The following DHRSX variants were observed in gnomAD, a reference collection of about 807,000 sequenced individuals.
DHRSX encodes polyprenol dehydrogenase.
In DHRSX, 31 loss-of-function variants were observed where a neutral mutation model predicts 34.0. The observed-to-expected ratio is 0.91, with a 90% CI of 0.69 to 1.23. The LOEUF (loss-of-function observed/expected upper bound fraction) is 1.23. Among genes scored for constraint, DHRSX ranks in the 50% most tolerant of loss-of-function variants. The pLI is 0.00. For missense variants in DHRSX, 414 were observed against 428.1 expected (o/e 0.97, Z 0.29); for synonymous variants, 201 against 183.8 (o/e 1.09, Z -0.76).
intron 1 of DHRSX, among the ~76,000 whole-genome samples, chrX:2,483,722 G>A (rs1261507156): frequency 6.8e-6 from 1 of 147,384 alleles, no homozygotes; most frequent in Non-Finnish European, 1.5e-5. Flanking sequence ...GATCTGAGCT[G>A]TTTCTCAAAC....
chrX:2,243,785 CCTGTTTTTTTTTTTTTTTTT>C (rs1398745186), intron 5 of DHRSX, among the ~76,000 whole-genome samples: 18,808 of 71,386 alleles, frequency 0.26, 1,767 homozygotes, highest in Admixed American at 0.38. Context: ...CACTATGCTC[CCTGTTTTTTTTTTTTTTTTT>C]TTTTTTTTTT....
chrX:2,354,560 C>G (rs773392042), intron 3 of DHRSX, among the ~76,000 whole-genome samples: 1 of 152,194 alleles, frequency 6.6e-6, no homozygotes, highest in Non-Finnish European at 1.5e-5. Context: ...CTCCCGGGTT[C>G]ACACCATTCT....
intron 4 of DHRSX, among the ~76,000 whole-genome samples, chrX:2,286,961 C>T (rs1426188074): frequency 2.0e-5 from 3 of 152,300 alleles, no homozygotes; most frequent in Admixed American, 6.5e-5. Flanking sequence ...TCCAGGGAGG[C>T]GTGTGACTTG....
chrX:2,438,178 G>GAAA (rs57891933), intron 1 of DHRSX, among the ~76,000 whole-genome samples: 1 of 127,042 alleles, frequency 7.9e-6, no homozygotes, highest in Non-Finnish European at 1.6e-5. Context: ...CTCCATCTCA[G>GAAA]AAAAAAAAAA....
chrX:2,304,304 GATGGATGA>G (rs1370834403), intron 3 of DHRSX, among the ~76,000 whole-genome samples: 13 of 149,936 alleles, frequency 8.7e-5, no homozygotes, highest in African/African-American at 2.5e-4. Context: ...TGGATGGATG[GATGGATGA>G]ATGGATGGAT....
intron 3 of DHRSX, among the ~76,000 whole-genome samples, chrX:2,397,691 G>A (rs747213769): frequency 8.6e-5 from 13 of 151,812 alleles, no homozygotes; most frequent in Middle Eastern, 3.4e-3. Flanking sequence ...TAAATAGCGC[G>A]TAGAATTTGT....
Position 2,461,998 on chromosome X carries a change from G to A in DHRSX, c.110-36694C>T, listed in dbSNP as rs192418786. Reference sequence around the variant, plus strand: ...AGCCACCGCGGCTGGCCATGCAGCTGTTTTAATAAGCAATTCTGAGAAGAC... The same window carrying A: ...AGCCACCGCGGCTGGCCATGCAGCTATTTTAATAAGCAATTCTGAGAAGAC... On this transcript the variant is annotated intron_variant, in intron 1 of 6. Coordinates refer to ENST00000334651, the MANE Select transcript of DHRSX (RefSeq NM_145177.3). Among the ~76,000 whole-genome samples, 627 of 152,212 alleles carry A rather than the reference G, an allele frequency of 4.1e-3. 7 individuals carry two copies. The highest frequency in any genetic ancestry group is 0.014 in the African/African-American group (585 of 41,532).
chrX:2,259,134 G>A (rs1362015045), intron 5 of DHRSX, among the ~76,000 whole-genome samples: 25 of 151,866 alleles, frequency 1.6e-4, no homozygotes, highest in African/African-American at 1.2e-4. Context: ...TTATCTGGGC[G>A]TGATGGCGCA....
chrX:2,404,959 T>G (rs1047867295), intron 3 of DHRSX, among the ~76,000 whole-genome samples: 51 of 152,240 alleles, frequency 3.3e-4, no homozygotes, highest in Non-Finnish European at 6.5e-4. Flanking sequence ...CTGCTGCCAC[T>G]CTGTGACATT....
intron 5 of DHRSX, among the ~76,000 whole-genome samples, chrX:2,258,602 T>A (rs1307793387): frequency 6.6e-6 from 1 of 152,098 alleles, no homozygotes; most frequent in Non-Finnish European, 1.5e-5. Flanking sequence ...CACACCTTGA[T>A]CTGGGACCTC....
chrX:2,319,826 C>G (rs2042286553), intron 3 of DHRSX, among the ~76,000 whole-genome samples: 1 of 151,890 alleles, frequency 6.6e-6, no homozygotes, highest in African/African-American at 2.4e-5. Flanking sequence ...CAAGGGTCAG[C>G]TGTATATACA....
chrX:2,350,396 G>A (rs1049744867), intron 3 of DHRSX, among the ~76,000 whole-genome samples: 6 of 152,054 alleles, frequency 3.9e-5, no homozygotes, highest in Non-Finnish European at 8.8e-5. Context: ...GGAATACCAC[G>A]CAGCCTTAAA....
chrX:2,455,513 G>A (rs1352562093), intron 1 of DHRSX, among the ~76,000 whole-genome samples: 2 of 151,942 alleles, frequency 1.3e-5, no homozygotes, highest in East Asian at 1.9e-4. Flanking sequence ...AGGGCAAGGC[G>A]GGTGGATCAC....
intron 1 of DHRSX, among the ~76,000 whole-genome samples, chrX:2,437,746 A>C (rs2044012820): frequency 1.4e-5 from 2 of 147,558 alleles, no homozygotes; most frequent in Non-Finnish European, 1.5e-5. Context: ...ACAGTCCTCA[A>C]ATTTGGGAGA....
chrX:2,244,995 C>A (rs937853690), intron 5 of DHRSX, among the ~76,000 whole-genome samples: 2 of 152,126 alleles, frequency 1.3e-5, no homozygotes, highest in African/African-American at 4.8e-5. Flanking sequence ...CAGGCATGAG[C>A]CACTGTGCCC....
At chrX:2,448,843 C>T (rs1167428262) in intron 1 of DHRSX, among the ~76,000 whole-genome samples, 13 of 152,122 alleles carry the variant, frequency 8.5e-5, no homozygotes, top group South Asian at 2.1e-4. Flanking sequence ...ACGACCATGA[C>T]ACAAGGGGTT....
chrX:2,256,586 A>C (rs1439135407), intron 5 of DHRSX, among the ~76,000 whole-genome samples: 1 of 152,130 alleles, frequency 6.6e-6, no homozygotes, highest in African/African-American at 2.4e-5. Context: ...TTATTTCACC[A>C]TGGGGATGAT....
At chrX:2,239,666 G>A (rs1163605289) in intron 6 of DHRSX, among the ~76,000 whole-genome samples, 4 of 152,158 alleles carry the variant, frequency 2.6e-5, no homozygotes, top group African/African-American at 9.7e-5. Flanking sequence ...TTACTCGGGA[G>A]GCTGAGGCAG....
intron 6 of DHRSX, among the ~76,000 whole-genome samples, chrX:2,236,229 A>G (rs1353982043): frequency 2.6e-5 from 4 of 152,286 alleles, no homozygotes; most frequent in East Asian, 1.9e-4. Flanking sequence ...CATAAAGACA[A>G]ACAAAGCTTT....
Sources: gnomAD v4.1 joint callset for allele counts (sites outside exome capture counted in the v4.1 genomes callset) on GRCh38, gnomAD v4.1.1 for gene constraint, MANE v1.5 for transcripts, NCBI Gene and HGNC (gene_info 2026-07-23, HGNC 2026-07-21) for gene names.